PDGFRL: variants seen among roughly 807,000 people sequenced by gnomAD.
The protein encoded by PDGFRL is platelet-derived growth factor receptor-like protein.
PDGFRL carries 46 observed loss-of-function variants against 37.2 expected under a neutral mutation model. The ratio of observed to expected loss-of-function variants is 1.24; its 90% confidence interval spans 0.98 to 1.58. PDGFRL has a LOEUF of 1.58. PDGFRL is among the 40% of genes most tolerant of loss of function. The pLI, the probability that PDGFRL is intolerant of heterozygous loss-of-function variation, is 0.00. For synonymous variants in PDGFRL, 251 were observed against 184.3 expected (o/e 1.36, Z -2.93); for missense variants, 692 against 467.6 (o/e 1.48, Z -4.43).
chr8:17,617,313 C>T (rs138728863), intron 2 of PDGFRL, among the ~76,000 whole-genome samples: 6 of 152,254 alleles, frequency 3.9e-5, no homozygotes, highest in African/African-American at 7.2e-5. Context: ...TCTCTTAGGA[C>T]GCTTTTTCCT....
At chr8:17,623,785 G>T (rs1804680489) in intron 3 of PDGFRL, among the ~76,000 whole-genome samples, 1 of 150,850 alleles carries the variant, frequency 6.6e-6, no homozygotes, top group South Asian at 2.1e-4. Flanking sequence ...GAAGCAGGAG[G>T]ATCGCCTGAA....
At chr8:17,604,973 A>G (rs1025596744) in intron 2 of PDGFRL, among the ~76,000 whole-genome samples, 2 of 152,034 alleles carry the variant, frequency 1.3e-5, no homozygotes, top group African/African-American at 2.4e-5. Context: ...ACAAATTAGC[A>G]GAGCATGGTG....
At chr8:17,636,688 C>A (rs1217391700) in intron 5 of PDGFRL, among the ~76,000 whole-genome samples, 1 of 151,800 alleles carries the variant, frequency 6.6e-6, no homozygotes, top group Non-Finnish European at 1.5e-5. Flanking sequence ...TGCATTGAAT[C>A]TGTGGATTGC....
intron 5 of PDGFRL, among the ~76,000 whole-genome samples, chr8:17,638,876 T>C (rs1805035776): frequency 6.6e-6 from 1 of 150,436 alleles, no homozygotes; most frequent in African/African-American, 2.4e-5. Context: ...TTAACGTTTG[T>C]TCTGTCTGAT....
At chr8:17,599,852 T>C (rs1338440629) in intron 2 of PDGFRL, among the ~76,000 whole-genome samples, 1 of 152,160 alleles carries the variant, frequency 6.6e-6, no homozygotes, top group African/African-American at 2.4e-5. Context: ...GATGAGGATT[T>C]TCCCTCCTAA....
Position 17,628,467 on chromosome 8 carries a change from T to C in PDGFRL, c.506-20T>C, listed in dbSNP as rs746514163. ...TGCGTCTCCGGAGTGAATAAGCCTG[T>C]GTCTTCCTTCCCTTTGCAGAGAAAG... On this transcript the variant is annotated intron_variant, in intron 3 of 5. Transcript: ENST00000251630. 8.7e-6 allele frequency: 14 copies of C among 1,606,986 alleles called. No homozygotes were observed. Among genetic ancestry groups the C allele is most frequent in the Non-Finnish European group, 1.2e-5 (14 of 1,173,680 alleles).
At chr8:17,608,140 CTT>C (rs1009090522) in intron 2 of PDGFRL, among the ~76,000 whole-genome samples, 2 of 152,216 alleles carry the variant, frequency 1.3e-5, no homozygotes, top group African/African-American at 4.8e-5. Context: ...TGCTCAAAGA[CTT>C]TGCTTGGATT....
chr8:17,593,837 G>A (rs1364615643), intron 2 of PDGFRL, among the ~76,000 whole-genome samples: 4 of 150,010 alleles, frequency 2.7e-5, no homozygotes, highest in African/African-American at 7.4e-5. Context: ...GTGGTGAGCC[G>A]AGATCGTGCC....
chr8:17,599,232 T>G (rs1188747481), intron 2 of PDGFRL, among the ~76,000 whole-genome samples: 1 of 152,170 alleles, frequency 6.6e-6, no homozygotes, highest in East Asian at 1.9e-4. Context: ...GGTGCACCCG[T>G]CGTCACCCAA....
chr8:17,627,769 C>A (rs908248242), intron 3 of PDGFRL, among the ~76,000 whole-genome samples: 2 of 151,898 alleles, frequency 1.3e-5, no homozygotes, highest in Non-Finnish European at 2.9e-5. Context: ...AGCCACCACG[C>A]CTGGCCAGAT....
chr8:17,608,713 C>T (rs1414009877), intron 2 of PDGFRL, among the ~76,000 whole-genome samples: 2 of 152,146 alleles, frequency 1.3e-5, no homozygotes, highest in Non-Finnish European at 2.9e-5. Context: ...CGACAAGCAG[C>T]TTAAGAACTA....
intron 3 of PDGFRL, among the ~76,000 whole-genome samples, chr8:17,625,125 A>G: frequency 2.4e-5 from 1 of 42,404 alleles, no homozygotes; most frequent in South Asian, 1.6e-3. Context: ...TATCTCCTAA[A>G]GCTATCCCTC....
rs564696090 is a variant in PDGFRL at position 17,595,442 on chromosome 8, C to T, written c.353+5677C>T. 1.3e-5 allele frequency among the ~76,000 whole-genome samples: 2 copies of T among 152,212 alleles called. 1 individual carries two copies. The highest frequency in any genetic ancestry group is 4.1e-4 in the South Asian group (2 of 4,832). On this transcript the variant is annotated intron_variant, in intron 2 of 5. Coordinates refer to ENST00000251630, the MANE Select transcript of PDGFRL (RefSeq NM_001372073.1). ...GCCATGCCCCACCTAGGTAGCCGCC[C>T]TATTTTGGATCCCGTAGGATCTCTA...
At chr8:17,639,853 T>C (rs904850149) in intron 5 of PDGFRL, among the ~76,000 whole-genome samples, 1 of 152,246 alleles carries the variant, frequency 6.6e-6, no homozygotes, top group African/African-American at 2.4e-5. Context: ...TTTTCTTTGA[T>C]TACTCCCTCA....
intron 2 of PDGFRL, among the ~76,000 whole-genome samples, chr8:17,601,619 C>A (rs1052091986): frequency 5.3e-5 from 8 of 152,118 alleles, no homozygotes; most frequent in African/African-American, 1.4e-4. Context: ...ACCCTCTTCC[C>A]ACCCTCCACC....
chr8:17,614,717 T>C (rs1804489063), intron 2 of PDGFRL, among the ~76,000 whole-genome samples: 1 of 152,204 alleles, frequency 6.6e-6, no homozygotes, highest in Non-Finnish European at 1.5e-5. Context: ...TAGCTGGGAC[T>C]ATAGGCTGGC....
chr8:17,628,635 C>G lies in PDGFRL; in HGVS notation c.654C>G (p.Ala218=). Residue 218 remains alanine, a synonymous_variant, in exon 4 of 6, where the codon GCC becomes GCG. Coordinates refer to ENST00000251630, the MANE Select transcript of PDGFRL (RefSeq NM_001372073.1). ...AATTCCCAGCCAAGGAGATCCCAGCCAATGGAACGGACATTGTTTATGACA... is the reference window on the plus strand; with the variant it reads ...AATTCCCAGCCAAGGAGATCCCAGCGAATGGAACGGACATTGTTTATGACA... ...HREFPAKEIP[A]NGTDIVYDMK... is the part of the protein sequence containing the mutation. The G allele has an allele frequency of 4.3e-6, 7 of 1,614,180 alleles. No homozygotes were observed. The highest frequency in any genetic ancestry group is 5.1e-6 in the Non-Finnish European group (6 of 1,180,028).
At chr8:17,593,612 AT>A (rs1026992762) in intron 2 of PDGFRL, among the ~76,000 whole-genome samples, 6 of 151,178 alleles carry the variant, frequency 4.0e-5, no homozygotes, top group African/African-American at 1.5e-4. Context: ...AAAAAAAAAA[AT>A]TCTTGGCATA....
chr8:17,629,023 C>G (rs576880067), intron 4 of PDGFRL, among the ~76,000 whole-genome samples: 1 of 151,788 alleles, frequency 6.6e-6, no homozygotes, highest in Non-Finnish European at 1.5e-5. Flanking sequence ...GCTCAAGCAA[C>G]CCTCCCTCCT....
Sources: allele counts gnomAD v4.1 joint callset (sites outside exome capture counted in the v4.1 genomes callset), GRCh38; gene constraint gnomAD v4.1.1; transcripts MANE v1.5; gene names NCBI Gene and HGNC (gene_info 2026-07-23, HGNC 2026-07-21).